The following GNL2 variants were observed in gnomAD, a reference collection of about 807,000 sequenced individuals.
The protein encoded by GNL2 is G protein nucleolar 2, also known as nucleolar GTP-binding protein 2.
A neutral mutation model predicts 92.3 loss-of-function variants in GNL2; 51 were observed. The ratio of observed to expected loss-of-function variants is 0.55; its 90% CI spans 0.44 to 0.70. GNL2 has a LOEUF of 0.70. Ranked by LOEUF, GNL2 falls within the 30% of genes least tolerant of loss-of-function variation. The probability of loss-of-function intolerance (pLI) is 0.00; values close to 1 mark genes in which losing one functional copy is unlikely to be tolerated. For missense variants in GNL2, 844 were observed against 895.6 expected, an observed-to-expected ratio of 0.94 and a Z score of 0.74; for synonymous variants, 283 against 300.6, an observed-to-expected ratio of 0.94 and a Z score of 0.61.
In GNL2 at chr1:37,576,382, T is replaced by C. The variant is rs374280864; in HGVS notation, c.1038+46A>G. The C allele has an allele frequency of 5.1e-5, 80 of 1,576,828 alleles. 1 individual carries two copies. Among genetic ancestry groups the C allele is most frequent in the South Asian group, 2.7e-4 (23 of 86,722 alleles). On this transcript the variant is annotated intron_variant, in intron 9 of 15. Transcript: ENST00000373062. ...ACAAGTCCTAAACAATCACTCTCTA[T>C]GAAAAGAAAATATGCAAAAGTAAGG... is the stretch of plus-strand genomic sequence containing the variant.
Position 37,582,219 on chromosome 1 carries a change from A to C in GNL2, c.909+4T>G. ...TCCAGGAGAAACAGATCAGGGCTCA[A>C]TACCTTTCCAAACTGCCGCAGAAGC... is the stretch of plus-strand genomic sequence containing the variant. On this transcript the variant is annotated splice_donor_region_variant and intron_variant, in intron 8 of 15. Coordinates refer to ENST00000373062, the MANE Select transcript of GNL2 (RefSeq NM_013285.3). 6.3e-7 allele frequency: 1 copy of C among 1,590,778 alleles called. No homozygotes were observed. The highest frequency in any genetic ancestry group is 8.6e-7 in the Non-Finnish European group (1 of 1,160,596).
chr1:37,575,564 CACAA>C lies in GNL2; in HGVS notation c.1143+27_1143+30del, dbSNP rs748527571. ...TCCCTATAGAACACTCCCCCGCAAA[CACAA>C]ACAGCCTATCAGGGCCAAATACTCA... is the stretch of plus-strand genomic sequence containing the variant. On this transcript the variant is annotated intron_variant, in intron 10 of 15. Coordinates refer to ENST00000373062, the MANE Select transcript of GNL2 (RefSeq NM_013285.3). The surrounding 1 kb of genome is among the most constrained non-coding windows in gnomAD (Gnocchi z 4.1). 3.0e-6 allele frequency: 4 copies of C among 1,345,924 alleles called. No individual in the cohort carries two copies. The highest frequency in any genetic ancestry group is 3.7e-4 in the Middle Eastern group (2 of 5,468). 83.4% of individuals were successfully genotyped at this position (1,345,924 alleles called of 1,614,324 possible). A position where few individuals can be genotyped will look rare whatever the true frequency, so the allele number is the denominator to read the frequency against.
chr1:37,584,595 C>A (rs1432498479), intron 5 of GNL2, among the ~76,000 whole-genome samples: 1 of 151,930 alleles, frequency 6.6e-6, no homozygotes, highest in Admixed American at 6.6e-5. Flanking sequence ...TATTAGGCAC[C>A]TAAACCAGTC....
chr1:37,576,006 G>C (rs1363317978), intron 9 of GNL2, among the ~76,000 whole-genome samples: 1 of 152,158 alleles, frequency 6.6e-6, no homozygotes, highest in Non-Finnish European at 1.5e-5. Context: ...TGAGAGCTTA[G>C]TACTGCTTGA....
intron 3 of GNL2, among the ~76,000 whole-genome samples, chr1:37,591,884 T>C (rs1448417105): frequency 6.6e-6 from 1 of 152,182 alleles, no homozygotes; most frequent in East Asian, 1.9e-4. Flanking sequence ...ATGAGAAAAC[T>C]GATGAACAGA....
intron 4 of GNL2, 94 bp from the exon 5 acceptor site, chr1:37,587,589 AT>A: frequency 1.2e-6 from 1 of 806,944 alleles, no homozygotes; most frequent in Non-Finnish European, 1.9e-6. Flanking sequence ...TTCTGATTTT[AT>A]TTTTCCAAGG....
In GNL2 at chr1:37,595,690, C is replaced by T. The variant is rs1643918437; in HGVS notation, c.64+69G>A. 7 of 1,308,036 alleles carry T rather than the reference C, an allele frequency of 5.4e-6. No individual in the cohort carries two copies. The East Asian group carries it at 1.6e-4, about 30-fold the overall frequency. 81.0% of individuals were successfully genotyped at this position (1,308,036 alleles called of 1,614,324 possible). On this transcript the variant is annotated intron_variant, in intron 1 of 15. Transcript: ENST00000373062. ...CACTCGAGTAACCCTCCTTCCCCTC[C>T]AGTGCTCCTCGGAGCCCTTCCCTAT... is the stretch of plus-strand genomic sequence containing the variant.
intron 1 of GNL2, among the ~76,000 whole-genome samples, chr1:37,594,549 A>G (rs1643909794): frequency 6.6e-6 from 1 of 152,014 alleles, no homozygotes; most frequent in Admixed American, 6.5e-5. Flanking sequence ...CATTATTATT[A>G]TCTTTTTTTT....
At chr1:37,580,451 C>T (rs759951039) in intron 8 of GNL2, among the ~76,000 whole-genome samples, 9 of 152,316 alleles carry the variant, frequency 5.9e-5, no homozygotes, top group South Asian at 2.1e-4. Context: ...ATTTTCAGAA[C>T]GCAAGGCGTA....
At chr1:37,574,304 G>A (rs1197334044) in intron 12 of GNL2, 39 bp downstream of exon 12, 1 of 1,289,026 alleles carries the variant, frequency 7.8e-7, no homozygotes, top group Non-Finnish European at 1.1e-6. Flanking sequence ...TCTAGGTCAG[G>A]ACCCATGCTC....
intron 6 of GNL2, among the ~76,000 whole-genome samples, chr1:37,583,571 C>T (rs993686244): frequency 6.6e-6 from 1 of 152,134 alleles, no homozygotes; most frequent in Admixed American, 6.5e-5. Context: ...TTGCATGTGA[C>T]TTTAACTAGG....
Position 37,575,843 on chromosome 1 carries a change from C to T in GNL2, c.1039-144G>A. ...ACGCGCTAAGTAATTAAGCTACTAACTCTCTCATCTGTGCCGTGCACAAGA... is the reference window on the plus strand; with the variant it reads ...ACGCGCTAAGTAATTAAGCTACTAATTCTCTCATCTGTGCCGTGCACAAGA... On this transcript the variant is annotated intron_variant, in intron 9 of 15. Transcript: ENST00000373062. The surrounding 1 kb of genome is among the most constrained non-coding windows in gnomAD (Gnocchi z 4.1). The T allele has an allele frequency of 1.7e-6, 1 of 580,452 alleles. No homozygotes were observed. Among genetic ancestry groups the T allele is most frequent in the Non-Finnish European group, 3.0e-6 (1 of 329,256 alleles). The allele number at this position is 580,452 out of a possible 1,614,324, so 36.0% of individuals were successfully genotyped here. A position where few individuals can be genotyped will look rare whatever the true frequency, so the allele number is the denominator to read the frequency against.
chr1:37,591,760 G>A (rs1319521210), intron 3 of GNL2, among the ~76,000 whole-genome samples: 2 of 152,114 alleles, frequency 1.3e-5, no homozygotes, highest in Non-Finnish European at 2.9e-5. Flanking sequence ...ACCAGCCTTG[G>A]CCTCCCAAAG....
At chr1:37,579,980 G>GA (rs1237845688) in intron 8 of GNL2, among the ~76,000 whole-genome samples, 1 of 149,362 alleles carries the variant, frequency 6.7e-6, no homozygotes, top group African/African-American at 2.5e-5. Context: ...CAAGAATACA[G>GA]ACAACTGAGG....
At position 37,574,654 on chromosome 1, in the gene GNL2, C is replaced by T. The variant is rs143694485; in HGVS notation, c.1302+11G>A. 14 of 1,612,684 alleles carry T rather than the reference C, an allele frequency of 8.7e-6. No individual in the cohort carries two copies. The highest frequency in any genetic ancestry group is 1.3e-5 in the African/African-American group (1 of 74,988). ...AAGTATCAGTCTAAATTCTCACAAA[C>T]GCCGGGTCACCTTTAGTAACTTCCC... On this transcript the variant is annotated intron_variant, in intron 11 of 15. Coordinates refer to ENST00000373062, the MANE Select transcript of GNL2 (RefSeq NM_013285.3).
chr1:37,576,281 G>A, intron 9 of GNL2, 147 bp downstream of exon 9: 1 of 703,532 alleles, frequency 1.4e-6, no homozygotes, highest in Non-Finnish European at 2.4e-6. Flanking sequence ...AAACAACTCT[G>A]ATACGTTCCA....
Position 37,575,614 on chromosome 1 carries a change from T to G in GNL2, c.1124A>C (p.Asp375Ala), listed in dbSNP as rs752863511. The change falls in exon 10 of 16, where the codon GAC becomes GCC. Residue 375 changes from aspartate (D) to alanine (A), a missense_variant. Asp to Ala is a moderately radical substitution (Grantham distance 126). Transcript: ENST00000373062. The surrounding 1 kb of genome is among the most constrained non-coding windows in gnomAD (Gnocchi z 4.1). ...VVYPSEDSET[D>A]IVLKGVVQVE... ...ACTCACAACTCCTTTTAGCACAATG[T>G]CTGTCTCGGAGTCCTCAGAGGGGTA... 1 of 1,586,712 alleles carries G rather than the reference T, an allele frequency of 6.3e-7. No homozygotes were observed. Among genetic ancestry groups the G allele is most frequent in the Non-Finnish European group, 8.5e-7 (1 of 1,169,968 alleles).
At chr1:37,576,582 C>A in intron 8 of GNL2, 26 bp from the exon 9 acceptor site, 1 of 1,609,506 alleles carries the variant, frequency 6.2e-7, no homozygotes, top group Non-Finnish European at 8.5e-7. Flanking sequence ...ATACACAGCA[C>A]ATACATGCAG....
intron 10 of GNL2, 100 bp from the exon 11 acceptor site, chr1:37,574,923 T>C: frequency 1.2e-6 from 1 of 810,884 alleles, no homozygotes; most frequent in Non-Finnish European, 2.0e-6. Context: ...GACTTCAACA[T>C]CACAAAGCTC....
Sources: gnomAD v4.1 joint callset for allele counts (sites outside exome capture counted in the v4.1 genomes callset) on GRCh38, gnomAD v4.1.1 for gene constraint, Gnocchi (gnomAD v3.1) non-coding constraint, MANE v1.5 for transcripts, NCBI Gene and HGNC (gene_info 2026-07-23, HGNC 2026-07-21) for gene names.